The following GPR19 variants were observed in gnomAD, a reference collection of about 807,000 sequenced individuals.
GPR19 encodes the protein G protein-coupled receptor 19.
In GPR19, 14 loss-of-function variants were observed where a neutral mutation model predicts 28.5. That is an observed-to-expected ratio of 0.49 (90% CI 0.32 to 0.77). The LOEUF is 0.77. Among genes scored for constraint, GPR19 ranks in the 30% least tolerant of loss-of-function variants. GPR19 has a pLI of 0.03. For missense variants in GPR19, 409 were observed against 504.1 expected (o/e 0.81, Z 1.81); for synonymous variants, 173 against 184.1 (o/e 0.94, Z 0.49).
the GPR19 span, among the ~76,000 whole-genome samples, chr12:12,708,025 G>A: frequency 3.8e-5 from 4 of 105,252 alleles, no homozygotes; most frequent in East Asian, 3.1e-4. Context: ...TTTGAGATAC[G>A]GCCTAGCTCT....
At chr12:12,703,807 C>T in the GPR19 span, among the ~76,000 whole-genome samples, 2,147 of 152,248 alleles carry the variant, frequency 0.014, 48 homozygotes, top group African/African-American at 0.049. Context: ...GTCTAGGATT[C>T]CTAATACCGT....
intron 3 of GPR19, among the ~76,000 whole-genome samples, chr12:12,664,083 TC>T (rs1362636048): frequency 2.6e-5 from 4 of 152,114 alleles, no homozygotes; most frequent in Admixed American, 6.6e-5. Flanking sequence ...AACCTCCCCC[TC>T]CCAGGTTCAA....
the GPR19 span, among the ~76,000 whole-genome samples, chr12:12,701,826 G>A: frequency 2.6e-5 from 4 of 151,446 alleles, no homozygotes; most frequent in African/African-American, 9.7e-5. Context: ...AGCTGCTTGG[G>A]AGCCTGAGGT....
the GPR19 span, chr12:12,716,922 G>A: frequency 8.1e-6 from 8 of 984,658 alleles, no homozygotes; most frequent in Non-Finnish European, 9.6e-6. Context: ...GGGCCGAGCT[G>A]GGGGCAGCTC....
At chr12:12,697,153 TAAAAAAAAAAAA>T (rs386375639), upstream of GPR19, among the ~76,000 whole-genome samples, 1 of 48,846 alleles carries the variant, frequency 2.0e-5, no homozygotes, top group African/African-American at 7.5e-5. Flanking sequence ...TGAAGCGAAG[TAAAAAAAAAAAA>T]AAAAAAAAAA....
At chr12:12,706,467 T>C in the GPR19 span, among the ~76,000 whole-genome samples, 1 of 152,208 alleles carries the variant, frequency 6.6e-6, no homozygotes, top group African/African-American at 2.4e-5. Flanking sequence ...TTATCTAGTC[T>C]CATAGCTTTA....
At chr12:12,694,493 A>G (rs768182361) in intron 2 of GPR19, among the ~76,000 whole-genome samples, 5 of 151,582 alleles carry the variant, frequency 3.3e-5, no homozygotes, top group Non-Finnish European at 7.4e-5. Context: ...GGCGTGAGCT[A>G]CCGCGCCTGA....
At chr12:12,672,897 ATAATAAC>A (rs1335860010) in intron 3 of GPR19, among the ~76,000 whole-genome samples, 1 of 152,266 alleles carries the variant, frequency 6.6e-6, no homozygotes, top group Non-Finnish European at 1.5e-5. Flanking sequence ...CACAGACATT[ATAATAAC>A]TAGACAGACA....
intron 3 of GPR19, among the ~76,000 whole-genome samples, chr12:12,664,383 A>G (rs1945728071): frequency 6.6e-6 from 1 of 152,132 alleles, no homozygotes; most frequent in Non-Finnish European, 1.5e-5. Flanking sequence ...ATTCAATACA[A>G]GTCTAGTGCT....
the GPR19 span, among the ~76,000 whole-genome samples, chr12:12,707,196 A>G: frequency 2.0e-5 from 3 of 152,204 alleles, no homozygotes; most frequent in Non-Finnish European, 2.9e-5. Context: ...ACAAAATTAC[A>G]TGGTCCATGC....
chr12:12,715,996 G>A, the GPR19 span: 3 of 152,232 alleles, frequency 2.0e-5, no homozygotes, highest in African/African-American at 7.2e-5. Context: ...AGAACGGAAG[G>A]TTGGTTTCCA....
intron 3 of GPR19, among the ~76,000 whole-genome samples, chr12:12,675,600 C>T (rs1467292233): frequency 6.6e-6 from 1 of 152,178 alleles, no homozygotes; most frequent in Non-Finnish European, 1.5e-5. Flanking sequence ...GGAACTTTCT[C>T]TGGCAGCAGC....
At chr12:12,704,711 ATTAGGGCTGACAGTT>A in the GPR19 span, among the ~76,000 whole-genome samples, 4 of 152,168 alleles carry the variant, frequency 2.6e-5, no homozygotes, top group Non-Finnish European at 5.9e-5. Context: ...TAGTTGCAGG[ATTAGGGCTGACAGTT>A]CTGGCCTTGT....
rs760461864 is a variant in GPR19, at chr12:12,662,454, CT to C, written c.-7del. ...ATTCTGTGAGCAAAAACCATATTCA[CT>C]TTTTTTCTCTTAATTCTGGTTGGGG... On this transcript the variant is annotated 5_prime_UTR_variant, in exon 4 of 4. An upstream open reading frame in the 5' UTR loses its in-frame stop. Transcript: ENST00000651487. 8.1e-6 allele frequency: 13 copies of C among 1,611,126 alleles called. No homozygotes were observed. In the East Asian group the frequency reaches 2.5e-4, roughly 30 times the overall value.
At chr12:12,674,829 A>C (rs1479394642) in intron 3 of GPR19, among the ~76,000 whole-genome samples, 4 of 152,208 alleles carry the variant, frequency 2.6e-5, no homozygotes, top group Non-Finnish European at 5.9e-5. Context: ...CCTCATGAAG[A>C]TCTAGTATAA....
intron 3 of GPR19, among the ~76,000 whole-genome samples, chr12:12,667,710 A>AAT: frequency 6.6e-6 from 1 of 151,820 alleles, no homozygotes; most frequent in South Asian, 2.1e-4. Context: ...AAAAAAAAAA[A>AAT]AAAGAACTGG....
chr12:12,688,189 T>C (rs1428574903), intron 2 of GPR19, among the ~76,000 whole-genome samples: 1 of 152,140 alleles, frequency 6.6e-6, no homozygotes, highest in Admixed American at 6.6e-5. Flanking sequence ...GGGGGGGTCA[T>C]CATCTTAACC....
chr12:12,711,290 CAAAA>C, the GPR19 span, among the ~76,000 whole-genome samples: 183 of 109,654 alleles, frequency 1.7e-3, no homozygotes, highest in African/African-American at 6.5e-3. Context: ...GAGACTCCAT[CAAAA>C]AAAAAAAAAA....
Position 12,662,254 on chromosome 12 carries a change from C to A in GPR19, c.195G>T (p.Val65=), listed in dbSNP as rs766153148. ...TCCCAAAGAAGATGCTGGCTGTGGC[C>A]ACTTCCCCGGGTTTCAGCACATAGT... The part of the protein sequence containing the change: ...DLHYVLKPGE[V]ATASIFFGIL... The change falls in exon 4 of 4, where the codon GTG becomes GTT. Residue 65 remains valine (V), a synonymous_variant. Transcript: ENST00000651487. The A allele has an allele frequency of 6.2e-7, 1 of 1,614,220 alleles. No individual in the cohort carries two copies. Among genetic ancestry groups the A allele is most frequent in the South Asian group, 1.1e-5 (1 of 91,090 alleles).
Sources: allele counts gnomAD v4.1 joint callset (sites outside exome capture counted in the v4.1 genomes callset), GRCh38; gene constraint gnomAD v4.1.1; transcripts MANE v1.5; gene names NCBI Gene and HGNC (gene_info 2026-07-23, HGNC 2026-07-21).